ZNF385B: variants seen among roughly 807,000 people sequenced by gnomAD.
ZNF385B encodes the protein zinc finger protein 533.
Under a neutral mutation model 39.2 loss-of-function variants are expected in ZNF385B, and 23 were observed. That is an observed-to-expected ratio of 0.59 (90% CI 0.42 to 0.83). The LOEUF (loss-of-function observed/expected upper bound fraction) is 0.83, where lower values mean the gene tolerates loss of function less well. Among genes scored for constraint, ZNF385B ranks in the 40% least tolerant of loss-of-function variants. The probability of loss-of-function intolerance (pLI) is 0.00; values close to 1 mark genes in which losing one functional copy is unlikely to be tolerated. For missense variants in ZNF385B, 552 were observed against 598.9 expected, an observed-to-expected ratio of 0.92 and a Z score of 0.82; for synonymous variants, 205 against 222.6, an observed-to-expected ratio of 0.92 and a Z score of 0.70.
rs182339907 is a variant in ZNF385B at position 179,795,846 on chromosome 2, T to C, written c.-154-25174A>G. Among the ~76,000 whole-genome samples the C allele has an allele frequency of 7.9e-5, 12 of 152,262 alleles. No individual in the cohort carries two copies. The East Asian group carries it at 2.1e-3, about 27-fold the overall frequency. On this transcript the variant is annotated intron_variant, in intron 1 of 9. Transcript: ENST00000410066. Reference sequence around the variant, plus strand: ...TGAAGCAATCCCCAGTTTAATTGAATCTCTTTTTGAACGTCCATATATCTT... The same window carrying C: ...TGAAGCAATCCCCAGTTTAATTGAACCTCTTTTTGAACGTCCATATATCTT...
At chr2:179,520,339 T>C (rs570240729) in intron 4 of ZNF385B, among the ~76,000 whole-genome samples, 2 of 152,232 alleles carry the variant, frequency 1.3e-5, no homozygotes, top group Non-Finnish European at 2.9e-5. Context: ...CTTAACATTA[T>C]TATGTTTAAC....
intron 3 of ZNF385B, among the ~76,000 whole-genome samples, chr2:179,759,106 A>G (rs1703215933): frequency 6.6e-6 from 1 of 152,062 alleles, no homozygotes; most frequent in African/African-American, 2.4e-5. Flanking sequence ...TTGCTTGACT[A>G]ACTTTTTTTT....
intron 3 of ZNF385B, among the ~76,000 whole-genome samples, chr2:179,630,500 C>T (rs1333314296): frequency 6.8e-6 from 1 of 147,674 alleles, no homozygotes; most frequent in Non-Finnish European, 1.5e-5. Context: ...TCATCTACAC[C>T]AAAACCCCAT....
chr2:179,673,634 C>T (rs913344155), intron 3 of ZNF385B, among the ~76,000 whole-genome samples: 3 of 152,144 alleles, frequency 2.0e-5, no homozygotes, highest in Admixed American at 2.0e-4. Context: ...CTGCCTCCTT[C>T]ACTTGACTTT....
chr2:179,634,376 T>A (rs1202420918), intron 3 of ZNF385B, among the ~76,000 whole-genome samples: 1 of 151,922 alleles, frequency 6.6e-6, no homozygotes, highest in East Asian at 1.9e-4. Context: ...ATCAACCCCA[T>A]CAACAAGTGG....
intron 3 of ZNF385B, among the ~76,000 whole-genome samples, chr2:179,571,212 T>C (rs1685175968): frequency 6.6e-6 from 1 of 152,202 alleles, no homozygotes; most frequent in Non-Finnish European, 1.5e-5. Context: ...TATCCTCTGC[T>C]CCAAACATCT....
chr2:179,781,092 T>C (rs1704637266), intron 1 of ZNF385B, among the ~76,000 whole-genome samples: 1 of 152,220 alleles, frequency 6.6e-6, no homozygotes, highest in African/African-American at 2.4e-5. Context: ...GTAGATTCAA[T>C]GCAATCTTAA....
intron 1 of ZNF385B, among the ~76,000 whole-genome samples, chr2:179,803,450 T>TA (rs1199943488): frequency 1.3e-5 from 2 of 152,144 alleles, no homozygotes; most frequent in Admixed American, 6.6e-5. Context: ...TTTTTAAATC[T>TA]AAAAAACAGT....
chr2:179,561,922 C>T (rs1332787268), intron 3 of ZNF385B, among the ~76,000 whole-genome samples: 2 of 152,054 alleles, frequency 1.3e-5, no homozygotes, highest in African/African-American at 2.4e-5. Context: ...TGCAAATCTC[C>T]CACGTCACTC....
intron 6 of ZNF385B, among the ~76,000 whole-genome samples, chr2:179,474,238 T>A (rs1201154985): frequency 2.6e-5 from 4 of 152,166 alleles, no homozygotes; most frequent in Non-Finnish European, 5.9e-5. Flanking sequence ...TAAGTGTAAG[T>A]TCACAAACCT....
chr2:179,794,409 C>CTTAATGG (rs150851440), intron 1 of ZNF385B, among the ~76,000 whole-genome samples: 3 of 152,076 alleles, frequency 2.0e-5, no homozygotes, highest in Admixed American at 2.0e-4. Context: ...TATTCTAAAA[C>CTTAATGG]TAGAAATTCT....
chr2:179,715,970 G>A (rs915298259), intron 3 of ZNF385B, among the ~76,000 whole-genome samples: 7 of 152,044 alleles, frequency 4.6e-5, no homozygotes, highest in African/African-American at 9.6e-5. Context: ...TTTCAATATC[G>A]TTGAATTCCA....
chr2:179,492,425 A>G (rs1438231822), intron 5 of ZNF385B, among the ~76,000 whole-genome samples: 1 of 152,188 alleles, frequency 6.6e-6, no homozygotes, highest in Non-Finnish European at 1.5e-5. Flanking sequence ...GCTTCCACAC[A>G]TTAATTTTTA....
At chr2:179,651,872 G>A (rs1194579990) in intron 3 of ZNF385B, among the ~76,000 whole-genome samples, 1 of 152,078 alleles carries the variant, frequency 6.6e-6, no homozygotes, top group Admixed American at 6.6e-5. Flanking sequence ...TGCTCCTAAC[G>A]GAAAATGGCT....
intron 6 of ZNF385B, among the ~76,000 whole-genome samples, chr2:179,480,112 T>C (rs778374610): frequency 2.6e-5 from 4 of 152,190 alleles, no homozygotes; most frequent in African/African-American, 4.8e-5. Flanking sequence ...AGCTGAAACA[T>C]CACGTGAGTA....
intron 4 of ZNF385B, among the ~76,000 whole-genome samples, chr2:179,523,838 T>G (rs1262103036): frequency 6.6e-6 from 1 of 152,198 alleles, no homozygotes; most frequent in Non-Finnish European, 1.5e-5. Context: ...TGTTGCTCAG[T>G]CTGGAGAGCA....
chr2:179,593,625 G>A (rs1224543272), intron 3 of ZNF385B, among the ~76,000 whole-genome samples: 1 of 152,096 alleles, frequency 6.6e-6, no homozygotes, highest in African/African-American at 2.4e-5. Context: ...ATCAAGAAAA[G>A]CAATTCTGTC....
At chr2:179,776,526 C>T (rs552348902) in intron 1 of ZNF385B, among the ~76,000 whole-genome samples, 18 of 152,272 alleles carry the variant, frequency 1.2e-4, no homozygotes, top group African/African-American at 4.1e-4. Flanking sequence ...TAACATCCCG[C>T]ACCTTTTAAA....
At chr2:179,777,844 C>T (rs183773023) in intron 1 of ZNF385B, among the ~76,000 whole-genome samples, 2 of 150,812 alleles carry the variant, frequency 1.3e-5, no homozygotes, top group Non-Finnish European at 2.9e-5. Context: ...ACGATCTCGG[C>T]ACACTGCAAC....
Sources: gnomAD v4.1 joint callset for allele counts (sites outside exome capture counted in the v4.1 genomes callset) on GRCh38, gnomAD v4.1.1 for gene constraint, MANE v1.5 for transcripts, NCBI Gene and HGNC (gene_info 2026-07-23, HGNC 2026-07-21) for gene names.